The following MTFR1L variants were observed in gnomAD, a reference collection of about 807,000 sequenced individuals.
The protein encoded by MTFR1L is mitochondrial fission regulator 1 like.
In MTFR1L, 10 loss-of-function variants were observed where a neutral mutation model predicts 27.9. The ratio of observed to expected loss-of-function variants is 0.36; its 90% CI spans 0.22 to 0.61. MTFR1L has a LOEUF of 0.61. MTFR1L is among the 20% of genes least tolerant of loss of function. MTFR1L has a pLI of 0.73. For synonymous variants in MTFR1L, 151 were observed against 139.4 expected, an observed-to-expected ratio of 1.08 and a Z score of -0.58; for missense variants, 315 against 363.7, an observed-to-expected ratio of 0.87 and a Z score of 1.09.
chr1:25,821,094 G>T lies in MTFR1L; in HGVS notation c.-87+1065G>T, dbSNP rs574478904. 4 of 253,670 alleles carry T rather than the reference G, an allele frequency of 1.6e-5. No individual in the cohort carries two copies. The East Asian group carries it at 7.2e-4, about 46-fold the overall frequency. 15.7% of individuals were successfully genotyped at this position (253,670 alleles called of 1,614,324 possible). A position where few individuals can be genotyped will look rare whatever the true frequency, so the allele number is the denominator to read the frequency against. On this transcript the variant is annotated intron_variant, in intron 1 of 6. Transcript: ENST00000374303. ...GGCTGCGAAGCGTGCAGGCCTTGGT[G>T]CTCAGTGAATGTGGTCTAGAGACGG...
At chr1:25,822,997 G>A in intron 1 of MTFR1L, 22 bp from the exon 2 acceptor site, 1 of 1,601,874 alleles carries the variant, frequency 6.2e-7, no homozygotes, top group Non-Finnish European at 8.5e-7. Context: ...TTTCACAAGA[G>A]GGAAATCTGG....
At chr1:25,830,928 T>C (rs947326148) in intron 6 of MTFR1L, among the ~76,000 whole-genome samples, 48 of 152,236 alleles carry the variant, frequency 3.2e-4, no homozygotes, top group African/African-American at 1.0e-3. Context: ...GTCTTCCACA[T>C]TCCCAAATTC....
intron 1 of MTFR1L, chr1:25,820,543 G>GC: frequency 5.6e-6 from 2 of 356,412 alleles, no homozygotes; most frequent in South Asian, 2.1e-5. Flanking sequence ...CTCCGTGGGG[G>GC]CCCCCGGGAC....
At chr1:25,828,170 G>C (rs139908870) in intron 5 of MTFR1L, among the ~76,000 whole-genome samples, 1 of 152,048 alleles carries the variant, frequency 6.6e-6, no homozygotes, top group African/African-American at 2.4e-5. Context: ...TAGTGACATT[G>C]TCCCCATGCC....
intron 6 of MTFR1L, among the ~76,000 whole-genome samples, chr1:25,830,053 T>C (rs532724445): frequency 6.6e-6 from 1 of 152,266 alleles, no homozygotes; most frequent in African/African-American, 2.4e-5. Context: ...ATGAGGCTAG[T>C]AGGGATTTTA....
chr1:25,826,310 C>T lies in MTFR1L; in HGVS notation c.138C>T (p.Pro46=), dbSNP rs1176919119. The T allele has an allele frequency of 3.1e-6, 5 of 1,614,162 alleles. No individual in the cohort carries two copies. The highest frequency in any genetic ancestry group is 3.4e-6 in the Non-Finnish European group (4 of 1,179,992). The change falls in exon 4 of 7, where the codon CCC becomes CCT. Residue 46 remains proline (P), a synonymous_variant. Coordinates refer to ENST00000374303, the MANE Select transcript of MTFR1L (RefSeq NM_001099625.2). This position sits in a 1 kb window ranked among gnomAD's most constrained non-coding sequence, Gnocchi z 4.1. ...CTTTTGCTTCTCCATAGACCCTGCC[C>T]AACATCTCTGACCTGTGTTTGAGAG... ...PCARASFETL[P]NISDLCLRDV...
chr1:25,821,964 T>C (rs1284439625), intron 1 of MTFR1L: 1 of 152,260 alleles, frequency 6.6e-6, no homozygotes, highest in Non-Finnish European at 1.5e-5. Context: ...CACAAGTGGG[T>C]ACTGTTGGTG....
At chr1:25,827,258 C>G (rs967033511) in intron 5 of MTFR1L, among the ~76,000 whole-genome samples, 3 of 151,970 alleles carry the variant, frequency 2.0e-5, no homozygotes, top group Non-Finnish European at 4.4e-5. Flanking sequence ...GCCTCAGCCT[C>G]CTGAGTAGCT....
At position 25,832,234 on chromosome 1, in the gene MTFR1L, G is replaced by A; in HGVS notation, c.*208G>A. On this transcript the variant is annotated 3_prime_UTR_variant, in exon 7 of 7. Transcript: ENST00000374303. ...GAAGCTAAGGCTTGTGATTTGACCTGAGACATTTGTTTCAGGTAATCGTGT... is the reference window on the plus strand; with the variant it reads ...GAAGCTAAGGCTTGTGATTTGACCTAAGACATTTGTTTCAGGTAATCGTGT... The A allele has an allele frequency of 1.4e-6, 2 of 1,419,052 alleles. No homozygotes were observed. Among genetic ancestry groups the A allele is most frequent in the Non-Finnish European group, 1.9e-6 (2 of 1,043,186 alleles). The allele number at this position is 1,419,052 out of a possible 1,614,324, so 87.9% of individuals were successfully genotyped here.
chr1:25,829,720 C>G lies in MTFR1L; in HGVS notation c.663C>G (p.Ala221=). 1 of 1,614,082 alleles carries G rather than the reference C, an allele frequency of 6.2e-7. No individual in the cohort carries two copies. The highest frequency in any genetic ancestry group is 8.5e-7 in the Non-Finnish European group (1 of 1,180,028). ...GTTGCAAACCAGAACACAAAGCTGC[C>G]TGCAGTTCGTCTGAAGAGGATGACT... is the stretch of plus-strand genomic sequence containing the variant. ...PECCKPEHKA[A]CSSSEEDDCV... The change falls in exon 6 of 7, where the codon GCC becomes GCG. Residue 221 remains alanine, a synonymous_variant. Transcript: ENST00000374303.
At chr1:25,823,307 G>A (rs952101732) in intron 2 of MTFR1L, 179 bp downstream of exon 2, 4 of 750,840 alleles carry the variant, frequency 5.3e-6, no homozygotes, top group African/African-American at 1.7e-5. Flanking sequence ...TGATCCTGGG[G>A]CACTTCAGGA....
At chr1:25,820,226 C>T (rs776872459) in intron 1 of MTFR1L, 197 bp downstream of exon 1, 2 of 455,602 alleles carry the variant, frequency 4.4e-6, no homozygotes, top group South Asian at 1.5e-5. Context: ...GTCGGAGTTC[C>T]CCAGCAAACA....
chr1:25,820,830 G>C (rs891139733), intron 1 of MTFR1L: 17 of 398,064 alleles, frequency 4.3e-5, no homozygotes, highest in Non-Finnish European at 7.3e-5. Context: ...GGGGATCACA[G>C]TTATCTAGTT....
In MTFR1L at chr1:25,832,261, G is replaced by T; in HGVS notation, c.*235G>T. ...GACATTTGTTTCAGGTAATCGTGTA[G>T]AATGAAGTATCTTAGTTTAAAGGGT... On this transcript the variant is annotated 3_prime_UTR_variant, in exon 7 of 7. Transcript: ENST00000374303. 1 of 1,247,430 alleles carries T rather than the reference G, an allele frequency of 8.0e-7. No individual in the cohort carries two copies. The highest frequency in any genetic ancestry group is 1.1e-6 in the Non-Finnish European group (1 of 893,486). 77.3% of individuals were successfully genotyped at this position (1,247,430 alleles called of 1,614,324 possible).
At position 25,823,043 on chromosome 1, in the gene MTFR1L, C is replaced by T. The variant is rs1255449693; in HGVS notation, c.-62C>T. 6 of 1,613,814 alleles carry T rather than the reference C, an allele frequency of 3.7e-6. No individual in the cohort carries two copies. Among genetic ancestry groups the T allele is most frequent in the Admixed American group, 3.3e-5 (2 of 60,006 alleles). Reference sequence around the variant, plus strand: ...GATGGCCTGATATGAAGGAGTCACGCCTCCCGCCTCCCGGAGCTGCCCAGT... The same window carrying T: ...GATGGCCTGATATGAAGGAGTCACGTCTCCCGCCTCCCGGAGCTGCCCAGT... On this transcript the variant is annotated 5_prime_UTR_variant, in exon 2 of 7. Coordinates refer to ENST00000374303, the MANE Select transcript of MTFR1L (RefSeq NM_001099625.2).
At chr1:25,823,591 A>G (rs760671204) in intron 2 of MTFR1L, 53 bp from the exon 3 acceptor site, 16 of 1,595,418 alleles carry the variant, frequency 1.0e-5, no homozygotes, top group Admixed American at 1.7e-5. Flanking sequence ...GGACAAGGAC[A>G]GTAGTTGGAT....
At chr1:25,820,054 G>A (rs1468049248) in intron 1 of MTFR1L, 25 bp downstream of exon 1, 2 of 401,316 alleles carry the variant, frequency 5.0e-6, no homozygotes, top group African/African-American at 2.1e-5. Context: ...AGGGAGGCGC[G>A]GAGGCGGGAG....
At chr1:25,829,952 G>A (rs186559842) in intron 6 of MTFR1L, 122 bp downstream of exon 6, 2 of 1,012,546 alleles carry the variant, frequency 2.0e-6, no homozygotes, top group Admixed American at 2.9e-5. Flanking sequence ...CATTCATAAA[G>A]CTTGCTGACT....
At chr1:25,820,878 C>CGGAGCGCACA (rs1553121867) in intron 1 of MTFR1L, 1 of 370,446 alleles carries the variant, frequency 2.7e-6, no homozygotes, top group East Asian at 1.2e-4. Flanking sequence ...CAGGGTGCTG[C>CGGAGCGCACA]GGAGCGCACA....
Sources: gnomAD v4.1 joint callset for allele counts (sites outside exome capture counted in the v4.1 genomes callset) on GRCh38, gnomAD v4.1.1 for gene constraint, Gnocchi (gnomAD v3.1) non-coding constraint, MANE v1.5 for transcripts, NCBI Gene and HGNC (gene_info 2026-07-23, HGNC 2026-07-21) for gene names.